Variants in RANBP2 observed in about 807,000 individuals in gnomAD.
RANBP2 encodes the protein E3 SUMO-protein ligase RanBP2.
RANBP2 carries 57 observed loss-of-function variants against 303.6 expected under a neutral mutation model. The observed-to-expected ratio is 0.19, with a 90% CI of 0.15 to 0.23. The LOEUF is 0.23. RANBP2 is among the 10% of genes least tolerant of loss of function. The probability of loss-of-function intolerance (pLI) is 1.00; values close to 1 mark genes in which losing one functional copy is unlikely to be tolerated. For missense variants in RANBP2, 3,138 were observed against 3,780.8 expected, an observed-to-expected ratio of 0.83 and a Z score of 4.46; for synonymous variants, 1,167 against 1,301.5, an observed-to-expected ratio of 0.90 and a Z score of 2.23.
the RANBP2 span, among the ~76,000 whole-genome samples, chr2:109,401,974 C>T: frequency 6.6e-6 from 1 of 152,214 alleles, no homozygotes; most frequent in African/African-American, 2.4e-5. Flanking sequence ...CATGGCCAGG[C>T]TACTGACTTT....
At chr2:108,792,915 T>G in the RANBP2 span, among the ~76,000 whole-genome samples, 1 of 135,772 alleles carries the variant, frequency 7.4e-6, no homozygotes, top group Non-Finnish European at 1.6e-5. Context: ...ATACAAAAAA[T>G]TAGCCAGGCA....
At chr2:108,921,679 GA>G in the RANBP2 span, among the ~76,000 whole-genome samples, 1 of 152,220 alleles carries the variant, frequency 6.6e-6, no homozygotes. Flanking sequence ...TGAGTAAAGA[GA>G]TCTCTGGATT....
At chr2:109,419,815 T>C in the RANBP2 span, among the ~76,000 whole-genome samples, 16 of 152,348 alleles carry the variant, frequency 1.1e-4, no homozygotes, top group South Asian at 3.1e-3. Flanking sequence ...GACAAAAGTC[T>C]AGCGGTTCCT....
chr2:109,465,347 A>G, the RANBP2 span, among the ~76,000 whole-genome samples: 2 of 152,222 alleles, frequency 1.3e-5, no homozygotes, highest in Non-Finnish European at 2.9e-5. Flanking sequence ...TTTTAGGAGT[A>G]TGTAAGAGTA....
the RANBP2 span, among the ~76,000 whole-genome samples, chr2:109,554,747 C>T: frequency 1.3e-5 from 2 of 152,140 alleles, no homozygotes; most frequent in Non-Finnish European, 2.9e-5. Flanking sequence ...TCATGTTCAG[C>T]CTCATATATG....
At chr2:108,843,876 G>GTGTGTGTGTGTGTT in the RANBP2 span, among the ~76,000 whole-genome samples, 192 of 13,866 alleles carry the variant, frequency 0.014, 2 homozygotes, top group East Asian at 0.044. Context: ...GTGTGTGTGT[G>GTGTGTGTGTGTGTT]TGTTTCTTTC....
Position 108,771,768 on chromosome 2 carries a change from T to C in RANBP2, c.7917T>C (p.Thr2639=). The C allele has an allele frequency of 6.2e-7, 1 of 1,614,008 alleles. No homozygotes were observed. Among genetic ancestry groups the C allele is most frequent in the Non-Finnish European group, 8.5e-7 (1 of 1,179,952 alleles). ...ATGTTCTCATTGTATATGAACTAACTCCAACCGCTGAGCAGAAAGCCCTTG... is the reference window on the plus strand; with the variant it reads ...ATGTTCTCATTGTATATGAACTAACCCCAACCGCTGAGCAGAAAGCCCTTG... ...DDDVLIVYEL[T]PTAEQKALAT... is the part of the protein sequence containing the mutation. The change falls in exon 21 of 29, where the codon ACT becomes ACC. Residue 2639 remains threonine (T), a synonymous_variant. Transcript: ENST00000283195.
the RANBP2 span, among the ~76,000 whole-genome samples, chr2:109,066,658 GT>G: frequency 2.0e-5 from 3 of 152,164 alleles, no homozygotes; most frequent in East Asian, 5.8e-4. Context: ...CCTTGTGTCT[GT>G]CCCCTCCTGC....
chr2:109,419,514 C>G, the RANBP2 span: 6 of 1,569,358 alleles, frequency 3.8e-6, no homozygotes, highest in South Asian at 4.7e-5. Flanking sequence ...TCTCCTCACT[C>G]CTGTCCCCTC....
At chr2:109,227,842 T>C in the RANBP2 span, among the ~76,000 whole-genome samples, 1 of 152,220 alleles carries the variant, frequency 6.6e-6, no homozygotes, top group Non-Finnish European at 1.5e-5. Context: ...CAATCTCCCT[T>C]GGCCCTTCGG....
At chr2:109,044,144 T>G in the RANBP2 span, among the ~76,000 whole-genome samples, 1 of 152,208 alleles carries the variant, frequency 6.6e-6, no homozygotes, top group Non-Finnish European at 1.5e-5. Flanking sequence ...CATAGAATTA[T>G]TCTATCCCTA....
chr2:108,806,514 C>T, the RANBP2 span, among the ~76,000 whole-genome samples: 6 of 152,124 alleles, frequency 3.9e-5, no homozygotes, highest in Non-Finnish European at 5.9e-5. Flanking sequence ...GAGGTCAGCA[C>T]GCTTTTTCTG....
chr2:109,488,652 TC>T, the RANBP2 span, among the ~76,000 whole-genome samples: 1 of 152,304 alleles, frequency 6.6e-6, no homozygotes, highest in East Asian at 1.9e-4. Context: ...CGATGTGTGT[TC>T]CTGGGAACAC....
At chr2:109,307,398 A>C in the RANBP2 span, among the ~76,000 whole-genome samples, 46,985 of 151,740 alleles carry the variant, frequency 0.31, 8,980 homozygotes, top group African/African-American at 0.54. Context: ...CTCTGGGCGG[A>C]AGCTTGGAGC....
chr2:109,226,698 CT>C, the RANBP2 span, among the ~76,000 whole-genome samples: 1 of 152,152 alleles, frequency 6.6e-6, no homozygotes, highest in Non-Finnish European at 1.5e-5. Context: ...CCGTTTGCTC[CT>C]AAGTCTTTGC....
the RANBP2 span, chr2:108,929,495 G>A: frequency 1.6e-4 from 185 of 1,147,530 alleles, no homozygotes; most frequent in African/African-American, 1.7e-3. Flanking sequence ...TACTCTTGCC[G>A]GGCCTTGGTT....
chr2:109,237,480 A>C, the RANBP2 span, among the ~76,000 whole-genome samples: 1 of 152,240 alleles, frequency 6.6e-6, no homozygotes, highest in Non-Finnish European at 1.5e-5. Flanking sequence ...ATGGATTGGA[A>C]GTCTTTAAAA....
chr2:108,988,133 C>A, the RANBP2 span, among the ~76,000 whole-genome samples: 1 of 152,206 alleles, frequency 6.6e-6, no homozygotes. Context: ...TGCCCACTGA[C>A]CGGCATCTGC....
the RANBP2 span, among the ~76,000 whole-genome samples, chr2:109,191,016 C>T: frequency 3.3e-5 from 5 of 151,796 alleles, no homozygotes; most frequent in African/African-American, 1.2e-4. Context: ...TGTAAAGGGC[C>T]AGAGAGTAAA....
Sources: allele counts gnomAD v4.1 joint callset (sites outside exome capture counted in the v4.1 genomes callset), GRCh38; gene constraint gnomAD v4.1.1; transcripts MANE v1.5; gene names NCBI Gene and HGNC (gene_info 2026-07-23, HGNC 2026-07-21).